The following GALNT5 variants were observed in gnomAD, a reference collection of about 807,000 sequenced individuals.
The protein encoded by GALNT5 is UDP-GalNAc:polypeptide N-acetylgalactosaminyltransferase 5.
GALNT5 carries 72 observed loss-of-function variants against 85.4 expected under a neutral mutation model. That is an observed-to-expected ratio of 0.84 (90% CI 0.70 to 1.03). GALNT5 has a LOEUF of 1.03. GALNT5 is among the 50% of genes least tolerant of loss of function. The probability of loss-of-function intolerance (pLI) is 0.00; values close to 1 mark genes in which losing one functional copy is unlikely to be tolerated. For missense variants in GALNT5, 1,137 were observed against 1,135.5 expected, an observed-to-expected ratio of 1.00 and a Z score of -0.02; for synonymous variants, 404 against 397.0, an observed-to-expected ratio of 1.02 and a Z score of -0.21.
Position 157,257,920 on chromosome 2 carries a change from A to C in GALNT5, c.-163A>C. 1 of 693,110 alleles carries C rather than the reference A, an allele frequency of 1.4e-6. No individual in the cohort carries two copies. The highest frequency in any genetic ancestry group is 2.5e-5 in the Admixed American group (1 of 40,734). The allele number at this position is 693,110 out of a possible 1,614,324, so 42.9% of individuals were successfully genotyped here. Reference sequence around the variant, plus strand: ...AGGCAGAGACTGACAAGCGGTAGGAACTGAGCTTTCCCCTTGGACTGCTGC... The same window carrying C: ...AGGCAGAGACTGACAAGCGGTAGGACCTGAGCTTTCCCCTTGGACTGCTGC... On this transcript the variant is annotated 5_prime_UTR_variant, in exon 1 of 10. Coordinates refer to ENST00000259056, the MANE Select transcript of GALNT5 (RefSeq NM_014568.3).
At chr2:157,265,175 T>C (rs4130598) in intron 1 of GALNT5, among the ~76,000 whole-genome samples, 25,194 of 152,182 alleles carry the variant, frequency 0.17, 4,615 homozygotes, top group African/African-American at 0.45. Flanking sequence ...TAGAGCACAG[T>C]ACTCTTTTTC....
rs1683707155 is a variant in GALNT5, at chr2:157,316,493, C to T, written c.*5145C>T. ...AATAAAAAGTTAAAAAGTTGGAGTCCTTTAAAACACAAACCATGACTTTTT... is the reference window on the plus strand; with the variant it reads ...AATAAAAAGTTAAAAAGTTGGAGTCTTTTAAAACACAAACCATGACTTTTT... On this transcript the variant is annotated 3_prime_UTR_variant, in exon 10 of 10. Transcript: ENST00000259056. Among the ~76,000 whole-genome samples, 1 of 152,038 alleles carries T rather than the reference C, an allele frequency of 6.6e-6. No homozygotes were observed. The highest frequency in any genetic ancestry group is 2.4e-5 in the African/African-American group (1 of 41,380).
At chr2:157,263,004 T>G (rs1005546173) in intron 1 of GALNT5, among the ~76,000 whole-genome samples, 16 of 151,424 alleles carry the variant, frequency 1.1e-4, no homozygotes, top group African/African-American at 3.9e-4. Flanking sequence ...ATTTTTTGTA[T>G]TTTTAGTAGA....
At chr2:157,277,549 C>T (rs1049379112) in intron 1 of GALNT5, among the ~76,000 whole-genome samples, 1 of 152,110 alleles carries the variant, frequency 6.6e-6, no homozygotes, top group Non-Finnish European at 1.5e-5. Context: ...TCTTCTTGTT[C>T]AACTGATCCC....
chr2:157,298,563 A>G (rs1683266696), intron 5 of GALNT5, among the ~76,000 whole-genome samples: 1 of 152,200 alleles, frequency 6.6e-6, no homozygotes. Context: ...CTTGAAACCC[A>G]GAAAACTTGG....
rs1553462999 is a variant in GALNT5 at position 157,290,112 on chromosome 2, T to TACACACAC, written c.1741+3981_1741+3982insCACACACA. Reference sequence around the variant, plus strand: ...GTATATATATATATATATATATATATACATACACAAACACATATATACATA... The same window carrying TACACACAC: ...GTATATATATATATATATATATATATACACACACACATACACAAACACATATATACATA... On this transcript the variant is annotated intron_variant, in intron 3 of 9. Coordinates refer to ENST00000259056, the MANE Select transcript of GALNT5 (RefSeq NM_014568.3). Among the ~76,000 whole-genome samples, 280 of 137,436 alleles carry TACACACAC rather than the reference T, an allele frequency of 2.0e-3. 1 individual carries two copies. Among genetic ancestry groups the TACACACAC allele is most frequent in the Middle Eastern group, 7.6e-3 (2 of 262 alleles). 90.2% of individuals were successfully genotyped at this position (137,436 alleles called of 152,430 possible).
At position 157,298,795 on chromosome 2, in the gene GALNT5, C is replaced by T. The variant is rs188982278; in HGVS notation, c.1998-753C>T. On this transcript the variant is annotated intron_variant, in intron 5 of 9. Coordinates refer to ENST00000259056, the MANE Select transcript of GALNT5 (RefSeq NM_014568.3). ...AGGCAGTACAGTGGAGTGAGTGGCA[C>T]AGCGTCCCCTCAGACTGCCCAGAGC... The T allele has an allele frequency of 6.3e-3, 961 of 152,382 alleles. 6 individuals carry two copies. The highest frequency in any genetic ancestry group is 0.037 in the Middle Eastern group (11 of 296). The allele number at this position is 152,382 out of a possible 1,614,324, so 9.4% of individuals were successfully genotyped here.
chr2:157,294,591 G>A (rs192508825), intron 3 of GALNT5, among the ~76,000 whole-genome samples: 2 of 152,204 alleles, frequency 1.3e-5, no homozygotes, highest in East Asian at 1.9e-4. Context: ...GACCTGGACC[G>A]CAACTCCCTT....
chr2:157,260,457 T>G (rs1193826871), intron 1 of GALNT5, among the ~76,000 whole-genome samples: 1 of 152,232 alleles, frequency 6.6e-6, no homozygotes, highest in Non-Finnish European at 1.5e-5. Flanking sequence ...ATATTTAATC[T>G]GATTCAAATA....
rs1683689829 is a variant in GALNT5 at position 157,315,828 on chromosome 2, A to T, written c.*4480A>T. 1.3e-5 allele frequency among the ~76,000 whole-genome samples: 2 copies of T among 152,196 alleles called. No homozygotes were observed. Among genetic ancestry groups the T allele is most frequent in the Admixed American group, 1.3e-4 (2 of 15,272 alleles). ...AAGAAAGAATTCAGGACACAGACAC[A>T]CATGAGGAGTGGGTTTAGGAGTGGA... On this transcript the variant is annotated 3_prime_UTR_variant, in exon 10 of 10. Transcript: ENST00000259056.
chr2:157,273,910 G>A (rs754128066), intron 1 of GALNT5, among the ~76,000 whole-genome samples: 43 of 151,650 alleles, frequency 2.8e-4, no homozygotes, highest in Non-Finnish European at 1.9e-4. Flanking sequence ...GTGCCATGTT[G>A]GTTTGCTGCA....
At chr2:157,274,088 C>G (rs1450227109) in intron 1 of GALNT5, among the ~76,000 whole-genome samples, 1 of 151,908 alleles carries the variant, frequency 6.6e-6, no homozygotes, top group Non-Finnish European at 1.5e-5. Flanking sequence ...GGTTTTCTGT[C>G]CTTGTGATAG....
At chr2:157,305,530 C>T (rs1191989055) in intron 7 of GALNT5, among the ~76,000 whole-genome samples, 1 of 152,180 alleles carries the variant, frequency 6.6e-6, no homozygotes, top group Non-Finnish European at 1.5e-5. Context: ...TATGGCTGAT[C>T]ACAGGCCAAA....
rs1683741868 is a variant in GALNT5 at position 157,317,510 on chromosome 2, A to G, written c.*6162A>G. Among the ~76,000 whole-genome samples the G allele has an allele frequency of 6.6e-6, 1 of 152,126 alleles. No homozygotes were observed. Among genetic ancestry groups the G allele is most frequent in the South Asian group, 2.1e-4 (1 of 4,832 alleles). On this transcript the variant is annotated 3_prime_UTR_variant, in exon 10 of 10. Coordinates refer to ENST00000259056, the MANE Select transcript of GALNT5 (RefSeq NM_014568.3). ...ATACATATTAGCTTAAAAACAAGAG[A>G]AGCCAAAGATTAAGTAAGTGAATTG...
At chr2:157,305,490 G>T (rs1393476725) in intron 7 of GALNT5, among the ~76,000 whole-genome samples, 1 of 152,126 alleles carries the variant, frequency 6.6e-6, no homozygotes, top group Admixed American at 6.5e-5. Flanking sequence ...TCCAGGCAAG[G>T]GTTAATTAAA....
rs1682291961 is a variant in GALNT5, at chr2:157,259,531, T to C, written c.1449T>C (p.Pro483=). 1 of 1,340,972 alleles carries C rather than the reference T, an allele frequency of 7.5e-7. No individual in the cohort carries two copies. Among genetic ancestry groups the C allele is most frequent in the Non-Finnish European group, 9.6e-7 (1 of 1,036,800 alleles). 83.1% of individuals were successfully genotyped at this position (1,340,972 alleles called of 1,614,324 possible). A position where few individuals can be genotyped will look rare whatever the true frequency, so the allele number is the denominator to read the frequency against. The change falls in exon 1 of 10, where the codon CCT becomes CCC. Residue 483 remains proline (P), a synonymous_variant. Transcript: ENST00000259056. ...PVDRAIEDTR[P]AGCAEQLVHN... ...ATAGAGCCATTGAAGACACCAGACC[T>C]GCTGGGTAAGACCTATTTCTCTTCT...
rs1683688905 is a variant in GALNT5 at position 157,315,790 on chromosome 2, A to G, written c.*4442A>G. On this transcript the variant is annotated 3_prime_UTR_variant, in exon 10 of 10. Coordinates refer to ENST00000259056, the MANE Select transcript of GALNT5 (RefSeq NM_014568.3). ...TTTTCTGGGGAAATACCCATGGTTCATTGTCTGATGCCAAGAAAGAATTCA... is the reference window on the plus strand; with the variant it reads ...TTTTCTGGGGAAATACCCATGGTTCGTTGTCTGATGCCAAGAAAGAATTCA... Among the ~76,000 whole-genome samples the G allele has an allele frequency of 6.6e-6, 1 of 152,240 alleles. No individual in the cohort carries two copies. The highest frequency in any genetic ancestry group is 2.1e-4 in the South Asian group (1 of 4,832).
intron 1 of GALNT5, among the ~76,000 whole-genome samples, chr2:157,277,581 T>C (rs1244462438): frequency 6.6e-6 from 1 of 152,184 alleles, no homozygotes; most frequent in African/African-American, 2.4e-5. Context: ...GTAATGGCCT[T>C]CTTTGTCTCT....
rs1683685699 is a variant in GALNT5 at position 157,315,651 on chromosome 2, A to G, written c.*4303A>G. Among the ~76,000 whole-genome samples the G allele has an allele frequency of 6.6e-6, 1 of 152,170 alleles. No individual in the cohort carries two copies. Among genetic ancestry groups the G allele is most frequent in the African/African-American group, 2.4e-5 (1 of 41,430 alleles). On this transcript the variant is annotated 3_prime_UTR_variant, in exon 10 of 10. Transcript: ENST00000259056. ...ACCCCCACATGTTTTGCTGTGATCT[A>G]TCTCTTTGACTTCATGCAGAACCTA...
Sources: allele counts gnomAD v4.1 joint callset (sites outside exome capture counted in the v4.1 genomes callset), GRCh38; gene constraint gnomAD v4.1.1; transcripts MANE v1.5; gene names NCBI Gene and HGNC (gene_info 2026-07-23, HGNC 2026-07-21).